The following SYT1 variants were observed in gnomAD, a reference collection of about 807,000 sequenced individuals.
The protein encoded by SYT1 is synaptotagmin-1.
In SYT1, 8 loss-of-function variants were observed where a neutral mutation model predicts 44.8. That is an observed-to-expected ratio of 0.18 (90% CI 0.10 to 0.32). The LOEUF is 0.32. SYT1 is among the 10% of genes least tolerant of loss of function. The pLI, the probability that SYT1 is intolerant of heterozygous loss-of-function variation, is 1.00. For missense variants in SYT1, 286 were observed against 509.3 expected, an observed-to-expected ratio of 0.56 and a Z score of 4.22; for synonymous variants, 154 against 188.8, an observed-to-expected ratio of 0.82 and a Z score of 1.51.
At chr12:79,399,270 G>A (rs1282955808) in intron 9 of SYT1, among the ~76,000 whole-genome samples, 5 of 148,416 alleles carry the variant, frequency 3.4e-5, no homozygotes, top group Non-Finnish European at 5.9e-5. Context: ...ATTGAAACAA[G>A]TCATCTGCAG....
At chr12:79,334,265 A>C (rs184340586) in intron 8 of SYT1, among the ~76,000 whole-genome samples, 1 of 152,130 alleles carries the variant, frequency 6.6e-6, no homozygotes, top group African/African-American at 2.4e-5. Context: ...AAAAAAAAAA[A>C]TCTCTCTTGT....
intron 3 of SYT1, among the ~76,000 whole-genome samples, chr12:79,133,279 G>A (rs756766598): frequency 2.6e-5 from 4 of 152,120 alleles, no homozygotes; most frequent in Non-Finnish European, 5.9e-5. Context: ...TGCACTTTGG[G>A]AGGCCGAGGT....
rs879878907 is a variant in SYT1, at chr12:79,088,776, GTGTA to G, written c.-18+41418_-18+41421del. ...TGTGTGTGTGTGTGTGTGTGTGTGT[GTGTA>G]TGTGTGTGTGTGTGAGGGGGCAGAG... On this transcript the variant is annotated intron_variant, in intron 3 of 10. Coordinates refer to ENST00000261205, the MANE Select transcript of SYT1 (RefSeq NM_005639.3). 5.0e-3 allele frequency among the ~76,000 whole-genome samples: 717 copies of G among 143,652 alleles called. 10 individuals are homozygous for G. Among genetic ancestry groups the G allele is most frequent in the South Asian group, 0.033 (136 of 4,136 alleles). The allele number at this position is 143,652 out of a possible 152,430, so 94.2% of individuals were successfully genotyped here. A position where few individuals can be genotyped will look rare whatever the true frequency, so the allele number is the denominator to read the frequency against.
chr12:79,258,527 G>T (rs548792103), intron 4 of SYT1, among the ~76,000 whole-genome samples: 1 of 152,264 alleles, frequency 6.6e-6, no homozygotes, highest in East Asian at 1.9e-4. Flanking sequence ...CTCTTTTGTG[G>T]CTTTAAAGTT....
intron 4 of SYT1, among the ~76,000 whole-genome samples, chr12:79,243,877 G>A (rs1392917871): frequency 6.6e-6 from 1 of 151,512 alleles, no homozygotes; most frequent in Non-Finnish European, 1.5e-5. Flanking sequence ...AGGAAGGAGG[G>A]AAGGAAGGAA....
In SYT1 at chr12:78,901,554, T is replaced by G. The variant is rs149823423; in HGVS notation, c.-217+36445T>G. Among the ~76,000 whole-genome samples the G allele has an allele frequency of 1.3e-3, 197 of 152,308 alleles. 1 individual carries two copies. The highest frequency in any genetic ancestry group is 4.4e-3 in the African/African-American group (182 of 41,574). On this transcript the variant is annotated intron_variant, in intron 1 of 10. Transcript: ENST00000261205. ...CTTTTGCCTACTTTTGCTTTTGATTTTAGTGGTTGAAGCCATTATTATTTG... is the reference window on the plus strand; with the variant it reads ...CTTTTGCCTACTTTTGCTTTTGATTGTAGTGGTTGAAGCCATTATTATTTG...
At chr12:79,250,593 AAGTC>A (rs1426209251) in intron 4 of SYT1, among the ~76,000 whole-genome samples, 1 of 152,194 alleles carries the variant, frequency 6.6e-6, no homozygotes, top group Admixed American at 6.5e-5. Context: ...CAAAATGGTG[AAGTC>A]AGTGATTTTA....
At chr12:79,327,567 A>G (rs546503693) in intron 8 of SYT1, among the ~76,000 whole-genome samples, 1 of 152,318 alleles carries the variant, frequency 6.6e-6, no homozygotes, top group South Asian at 2.1e-4. Context: ...TCAAATCAAA[A>G]GGCACCAGCA....
chr12:79,266,078 A>G (rs989972650), intron 4 of SYT1, among the ~76,000 whole-genome samples: 6 of 152,234 alleles, frequency 3.9e-5, no homozygotes, highest in Non-Finnish European at 8.8e-5. Flanking sequence ...TGCTTACACT[A>G]TAGGTAAACA....
intron 1 of SYT1, among the ~76,000 whole-genome samples, chr12:78,883,301 T>C (rs1285005301): frequency 6.6e-6 from 1 of 151,724 alleles, no homozygotes; most frequent in Non-Finnish European, 1.5e-5. Context: ...ACATGGCACA[T>C]ACTAAGTAGT....
chr12:79,019,258 T>A (rs1246785042), intron 2 of SYT1, among the ~76,000 whole-genome samples: 1 of 152,028 alleles, frequency 6.6e-6, no homozygotes, highest in Non-Finnish European at 1.5e-5. Context: ...AAATAATATT[T>A]CATTCATGAG....
intron 9 of SYT1, among the ~76,000 whole-genome samples, chr12:79,391,969 AT>A (rs1884673663): frequency 2.2e-5 from 1 of 44,972 alleles, no homozygotes; most frequent in Non-Finnish European, 1.1e-4. Flanking sequence ...TCCAATTCAT[AT>A]TGTAAACCTT....
intron 7 of SYT1, among the ~76,000 whole-genome samples, chr12:79,298,991 A>G (rs1479545186): frequency 2.0e-5 from 3 of 152,140 alleles, no homozygotes; most frequent in African/African-American, 4.8e-5. Flanking sequence ...CCCCTCAGTA[A>G]GTTACACCCT....
At chr12:79,360,792 C>G (rs920745531) in intron 9 of SYT1, among the ~76,000 whole-genome samples, 1 of 152,078 alleles carries the variant, frequency 6.6e-6, no homozygotes, top group Non-Finnish European at 1.5e-5. Flanking sequence ...AATCTGAATT[C>G]GTAAAACATG....
intron 9 of SYT1, among the ~76,000 whole-genome samples, chr12:79,356,907 T>C (rs1269816214): frequency 6.6e-6 from 1 of 152,144 alleles, no homozygotes; most frequent in Non-Finnish European, 1.5e-5. Flanking sequence ...ATATGCAACA[T>C]GGGAAAGCAA....
intron 8 of SYT1, among the ~76,000 whole-genome samples, chr12:79,312,202 A>G (rs1880840499): frequency 6.6e-6 from 1 of 151,834 alleles, no homozygotes. Context: ...CATGAAGGAA[A>G]TTAAAACCCC....
chr12:79,376,120 C>T (rs777339126), intron 9 of SYT1, among the ~76,000 whole-genome samples: 1 of 152,188 alleles, frequency 6.6e-6, no homozygotes. Flanking sequence ...CTCCAAGAAA[C>T]TTTCTTAATC....
At chr12:79,343,695 TTCTG>T (rs1346610860) in intron 8 of SYT1, among the ~76,000 whole-genome samples, 3 of 152,230 alleles carry the variant, frequency 2.0e-5, no homozygotes, top group Admixed American at 6.5e-5. Context: ...CTCCCAATAT[TTCTG>T]TCTTTCTATA....
chr12:79,341,280 A>G (rs1259218308), intron 8 of SYT1: 1 of 152,138 alleles, frequency 6.6e-6, no homozygotes, highest in African/African-American at 2.4e-5. Flanking sequence ...CAAACACGTA[A>G]TGGGTTCTGC....
Sources: allele counts gnomAD v4.1 joint callset (sites outside exome capture counted in the v4.1 genomes callset), GRCh38; gene constraint gnomAD v4.1.1; transcripts MANE v1.5; gene names NCBI Gene and HGNC (gene_info 2026-07-23, HGNC 2026-07-21).